CCDC102B: variants seen among roughly 807,000 people sequenced by gnomAD.
CCDC102B encodes the protein coiled-coil domain-containing protein 102B.
Under a neutral mutation model 57.4 loss-of-function variants are expected in CCDC102B, and 75 were observed. That is an observed-to-expected ratio of 1.31 (90% CI 1.08 to 1.58). The LOEUF (loss-of-function observed/expected upper bound fraction) is 1.58. Ranked by LOEUF, CCDC102B falls within the 40% of genes most tolerant of loss-of-function variation. CCDC102B has a pLI of 0.00. For missense variants in CCDC102B, 636 were observed against 582.6 expected (o/e 1.09, Z -0.94); for synonymous variants, 206 against 201.9 (o/e 1.02, Z -0.17).
chr18:68,958,381 T>C (rs2049961984), intron 6 of CCDC102B, among the ~76,000 whole-genome samples: 1 of 152,224 alleles, frequency 6.6e-6, no homozygotes, highest in Non-Finnish European at 1.5e-5. Context: ...CCTTGATTTA[T>C]TTGCATATGT....
Position 68,718,457 on chromosome 18 carries a change from C to T in CCDC102B, c.-67+1863C>T, listed in dbSNP as rs538161789. Among the ~76,000 whole-genome samples the T allele has an allele frequency of 2.0e-5, 3 of 152,274 alleles. No homozygotes were observed. In the East Asian group the frequency reaches 5.8e-4, roughly 29 times the overall value. ...GATTTTATTTACGTAAGCTCAAAAG[C>T]AGGCAAATTAATCGTGTTAAAAGTT... On this transcript the variant is annotated intron_variant, in intron 2 of 3. Coordinates refer to the CCDC102B transcript ENST00000578970.
rs115859665 is a variant in CCDC102B at position 69,009,709 on chromosome 18, G to C, written c.1264-1225G>C. 2.9e-3 allele frequency among the ~76,000 whole-genome samples: 445 copies of C among 151,588 alleles called. 1 individual carries two copies. The highest frequency in any genetic ancestry group is 0.01 in the African/African-American group (414 of 41,388). On this transcript the variant is annotated intron_variant, in intron 6 of 7. Transcript: ENST00000360242. ...TCATCATTAGTATTACTAATGATTT[G>C]AGATGTGAAAATAATTCCACTTTCA...
chr18:68,911,660 G>A (rs1287135381), intron 6 of CCDC102B, among the ~76,000 whole-genome samples: 8 of 142,140 alleles, frequency 5.6e-5, no homozygotes, highest in Non-Finnish European at 9.0e-5. Context: ...GCTGAGGCAG[G>A]AGAATGGCGT....
chr18:68,841,379 AC>A (rs1170454838), intron 3 of CCDC102B, among the ~76,000 whole-genome samples: 4 of 152,168 alleles, frequency 2.6e-5, no homozygotes, highest in Admixed American at 1.3e-4. Context: ...CACTCTGAGT[AC>A]TGTTCAGTTT....
chr18:68,718,323 A>G (rs2032138278), intron 2 of CCDC102B, among the ~76,000 whole-genome samples: 1 of 152,234 alleles, frequency 6.6e-6, no homozygotes, highest in Non-Finnish European at 1.5e-5. Context: ...CCTATAGTAA[A>G]GTGCTATATA....
chr18:68,827,006 A>G (rs1211317223), intron 1 of CCDC102B, among the ~76,000 whole-genome samples: 5 of 152,190 alleles, frequency 3.3e-5, no homozygotes, highest in South Asian at 4.1e-4. Context: ...CTGAAGCCAC[A>G]AAGGCTACAA....
At chr18:69,035,016 T>G (rs2052250447) in intron 7 of CCDC102B, among the ~76,000 whole-genome samples, 1 of 151,942 alleles carries the variant, frequency 6.6e-6, no homozygotes, top group African/African-American at 2.4e-5. Context: ...AATTACTCAA[T>G]TATACTAATT....
intron 1 of CCDC102B, among the ~76,000 whole-genome samples, chr18:68,828,857 T>TA (rs1207155163): frequency 6.6e-6 from 1 of 151,836 alleles, no homozygotes; most frequent in East Asian, 1.9e-4. Flanking sequence ...ATAAATAAGT[T>TA]AAATACTGTT....
At chr18:68,975,538 G>T (rs917813904) in intron 6 of CCDC102B, among the ~76,000 whole-genome samples, 26 of 151,904 alleles carry the variant, frequency 1.7e-4, no homozygotes, top group Admixed American at 9.2e-4. Context: ...GTCCTTTGAG[G>T]AATACCATTT....
chr18:68,879,472 G>C (rs1331376203), intron 5 of CCDC102B, among the ~76,000 whole-genome samples: 1 of 152,118 alleles, frequency 6.6e-6, no homozygotes, highest in Non-Finnish European at 1.5e-5. Flanking sequence ...GGTCTGTTTT[G>C]ACAGGGTGCT....
chr18:69,025,244 CAG>C (rs1176174819), intron 7 of CCDC102B, among the ~76,000 whole-genome samples: 2 of 151,984 alleles, frequency 1.3e-5, no homozygotes, highest in South Asian at 2.1e-4. Flanking sequence ...CTTTAATAAA[CAG>C]AATATAATTA....
At chr18:68,835,010 G>A (rs2037305922) in intron 1 of CCDC102B, among the ~76,000 whole-genome samples, 2 of 152,128 alleles carry the variant, frequency 1.3e-5, no homozygotes, top group East Asian at 1.9e-4. Flanking sequence ...AAGCGTATCT[G>A]AGAATAAAAA....
chr18:68,978,524 A>G (rs990136692), intron 6 of CCDC102B, among the ~76,000 whole-genome samples: 5 of 152,022 alleles, frequency 3.3e-5, no homozygotes, highest in Admixed American at 3.3e-4. Flanking sequence ...AATTATAACC[A>G]TGTATCAAAA....
chr18:69,037,593 C>T (rs2052328965), intron 7 of CCDC102B, among the ~76,000 whole-genome samples: 1 of 151,912 alleles, frequency 6.6e-6, no homozygotes. Context: ...ATTGTATCAG[C>T]ATCCTCAGGT....
At chr18:68,771,031 T>C (rs1599436232) in intron 2 of CCDC102B, among the ~76,000 whole-genome samples, 4 of 152,364 alleles carry the variant, frequency 2.6e-5, no homozygotes, top group Non-Finnish European at 1.5e-5. Context: ...TAGATTGATA[T>C]TAATGCTGAT....
chr18:68,856,928 A>G (rs958690809), intron 4 of CCDC102B, among the ~76,000 whole-genome samples: 2 of 147,236 alleles, frequency 1.4e-5, no homozygotes, highest in Admixed American at 1.4e-4. Flanking sequence ...ACTCACACTT[A>G]TACAGCATAC....
intron 6 of CCDC102B, chr18:68,993,486 T>G (rs2145332363): frequency 6.6e-6 from 1 of 152,348 alleles, no homozygotes; most frequent in Admixed American, 6.5e-5. Context: ...AGATACACAG[T>G]GCTGAATGTT....
chr18:68,810,329 A>G lies in CCDC102B; in HGVS notation c.-16+12148A>G, dbSNP rs75315050. ...CACTGAAAAACTTCATATAATGTACAGTCATTTGCATATACACACTCAGCA... is the reference window on the plus strand; with the variant it reads ...CACTGAAAAACTTCATATAATGTACGGTCATTTGCATATACACACTCAGCA... On this transcript the variant is annotated intron_variant, in intron 1 of 7. Coordinates refer to ENST00000360242, the MANE Select transcript of CCDC102B (RefSeq NM_024781.3). Among the ~76,000 whole-genome samples, 820 of 152,320 alleles carry G rather than the reference A, an allele frequency of 5.4e-3. 4 individuals carry two copies. The highest frequency in any genetic ancestry group is 9.5e-3 in the Non-Finnish European group (644 of 68,016).
At chr18:68,815,972 A>G in intron 1 of CCDC102B, among the ~76,000 whole-genome samples, 1 of 152,082 alleles carries the variant, frequency 6.6e-6, no homozygotes, top group Admixed American at 6.6e-5. Flanking sequence ...GATTTTTCAC[A>G]CTCCCATATC....
Sources: gnomAD v4.1 joint callset for allele counts (sites outside exome capture counted in the v4.1 genomes callset) on GRCh38, gnomAD v4.1.1 for gene constraint, MANE v1.5 for transcripts, NCBI Gene and HGNC (gene_info 2026-07-23, HGNC 2026-07-21) for gene names.